SLC2A5: variants seen among roughly 807,000 people sequenced by gnomAD.
SLC2A5 encodes the protein solute carrier family 2 member 5.
In SLC2A5, 56 loss-of-function variants were observed where a neutral mutation model predicts 50.3. The ratio of observed to expected loss-of-function variants is 1.11; its 90% CI spans 0.90 to 1.39. The LOEUF is 1.39. Ranked by LOEUF, SLC2A5 falls within the 40% of genes most tolerant of loss-of-function variation. SLC2A5 has a pLI of 0.00. For synonymous variants in SLC2A5, 269 were observed against 281.9 expected, an observed-to-expected ratio of 0.95 and a Z score of 0.46; for missense variants, 566 against 650.1, an observed-to-expected ratio of 0.87 and a Z score of 1.41.
At chr1:9,085,547 C>T (rs1642393030) in intron 1 of SLC2A5, among the ~76,000 whole-genome samples, 1 of 152,164 alleles carries the variant, frequency 6.6e-6, no homozygotes. Context: ...GAATAAGTTG[C>T]AAAATGTTTT....
chr1:9,081,283 C>CAAA (rs1250033751), intron 2 of SLC2A5, among the ~76,000 whole-genome samples: 1,415 of 123,326 alleles, frequency 0.011, 52 homozygotes, highest in African/African-American at 0.042. Flanking sequence ...AAAAAAACCC[C>CAAA]AAAAAAAAAA....
At chr1:9,046,223 CT>C (rs938215513) in intron 4 of SLC2A5, among the ~76,000 whole-genome samples, 1 of 152,130 alleles carries the variant, frequency 6.6e-6, no homozygotes, top group African/African-American at 2.4e-5. Flanking sequence ...ACCCTGAGAG[CT>C]TCCATCCTAG....
At chr1:9,066,436 T>C (rs1188613480) in intron 1 of SLC2A5, among the ~76,000 whole-genome samples, 1 of 152,088 alleles carries the variant, frequency 6.6e-6, no homozygotes, top group Non-Finnish European at 1.5e-5. Flanking sequence ...AGTTTCGCCA[T>C]GTTGCCCAGG....
chr1:9,068,933 A>G (rs1245016398), intron 1 of SLC2A5, among the ~76,000 whole-genome samples: 1 of 152,216 alleles, frequency 6.6e-6, no homozygotes, highest in African/African-American at 2.4e-5. Context: ...TCCTCAATCA[A>G]GGGAATCTAG....
intron 1 of SLC2A5, among the ~76,000 whole-genome samples, chr1:9,066,248 A>C (rs1212288148): frequency 6.6e-6 from 1 of 150,664 alleles, no homozygotes; most frequent in Non-Finnish European, 1.5e-5. Flanking sequence ...TTTTTTTTTG[A>C]GACAGAATCT....
At chr1:9,068,582 G>C (rs1642143395) in intron 1 of SLC2A5, among the ~76,000 whole-genome samples, 1 of 151,728 alleles carries the variant, frequency 6.6e-6, no homozygotes, top group Non-Finnish European at 1.5e-5. Flanking sequence ...CTCCTGAGTA[G>C]CTGGGATTAC....
chr1:9,043,723 C>CTT (rs201866196), intron 4 of SLC2A5, among the ~76,000 whole-genome samples: 12 of 142,112 alleles, frequency 8.4e-5, no homozygotes, highest in African/African-American at 2.3e-4. Context: ...AGCAAAGTGG[C>CTT]TTTTTTTTTT....
chr1:9,082,939 C>G, intron 2 of SLC2A5: 1 of 200,608 alleles, frequency 5.0e-6, no homozygotes, highest in South Asian at 5.8e-5. Flanking sequence ...GGGGAATGAG[C>G]AGTGACAGCT....
At chr1:9,080,543 G>C (rs1642339899) in intron 2 of SLC2A5, among the ~76,000 whole-genome samples, 1 of 152,140 alleles carries the variant, frequency 6.6e-6, no homozygotes, top group Non-Finnish European at 1.5e-5. Flanking sequence ...GGTGTGAGGT[G>C]AGCTCTCATT....
chr1:9,038,438 G>C lies in SLC2A5; in HGVS notation c.1167C>G (p.Leu389=). The C allele has an allele frequency of 1.2e-6, 2 of 1,612,468 alleles. No individual in the cohort carries two copies. Among genetic ancestry groups the C allele is most frequent in the Non-Finnish European group, 1.7e-6 (2 of 1,178,718 alleles). Residue 389 remains leucine (L), a synonymous_variant, in exon 10 of 12, where the codon CTC becomes CTG. Coordinates refer to ENST00000377424, the MANE Select transcript of SLC2A5 (RefSeq NM_003039.3). ...CCAGCTTTGGGTACGTACTGGGCCC[G>C]AGGGCATGTCCTATGACGTAGGAGA... The part of the protein sequence containing the change: ...CVISYVIGHA[L]GPSPIPALLI...
chr1:9,043,784 C>A lies in SLC2A5; in HGVS notation c.419-1847G>T, dbSNP rs549032763. On this transcript the variant is annotated intron_variant, in intron 4 of 11. Coordinates refer to ENST00000377424, the MANE Select transcript of SLC2A5 (RefSeq NM_003039.3). ...TCGCCCAGGCTGGAGTGCAGTGGTG[C>A]GATCTCAGCTCACTGCAACCTCTGC... is the stretch of plus-strand genomic sequence containing the variant. 4.7e-5 allele frequency among the ~76,000 whole-genome samples: 7 copies of A among 150,516 alleles called. No homozygotes were observed. The East Asian group carries it at 6.0e-4, about 13-fold the overall frequency.
At chr1:9,093,257 C>A (rs1642479383), upstream of SLC2A5, among the ~76,000 whole-genome samples, 1 of 152,154 alleles carries the variant, frequency 6.6e-6, no homozygotes, top group South Asian at 2.1e-4. Flanking sequence ...ATCGTTACTA[C>A]ACCCACAGCA....
At chr1:9,051,681 T>C (rs969736287) in intron 3 of SLC2A5, among the ~76,000 whole-genome samples, 4 of 152,302 alleles carry the variant, frequency 2.6e-5, no homozygotes, top group Non-Finnish European at 4.4e-5. Flanking sequence ...CTGGTGGGAA[T>C]GCAAAATGAT....
chr1:9,047,495 T>C, intron 4 of SLC2A5, 115 bp downstream of exon 4: 7 of 1,069,306 alleles, frequency 6.5e-6, no homozygotes, highest in East Asian at 2.6e-5. Context: ...AGCAGAGGTA[T>C]AGGAACGCTT....
Position 9,065,080 on chromosome 1 carries a change from C to T in SLC2A5, c.33+4424G>A, listed in dbSNP as rs1053922328. On this transcript the variant is annotated intron_variant, in intron 1 of 11. Coordinates refer to ENST00000377424, the MANE Select transcript of SLC2A5 (RefSeq NM_003039.3). ...AAAAAAAAAAAAAAAAATGTATAGC[C>T]TATCACTAAATCAATGTCATTTCTC... Among the ~76,000 whole-genome samples, 3 of 151,376 alleles carry T rather than the reference C, an allele frequency of 2.0e-5. No individual in the cohort carries two copies. The South Asian group carries it at 6.3e-4, about 32-fold the overall frequency.
In SLC2A5 at chr1:9,047,591, AC is replaced by A. The variant is rs1641467026; in HGVS notation, c.418+18del. ...TTGACGACCCTCACAGAATGGCAAT[AC>A]AGCATAGCATTGTTTACCTGCACAT... On this transcript the variant is annotated intron_variant, in intron 4 of 11. Transcript: ENST00000377424. 2 of 1,611,214 alleles carry A rather than the reference AC, an allele frequency of 1.2e-6. No homozygotes were observed. Among genetic ancestry groups the A allele is most frequent in the African/African-American group, 2.7e-5 (2 of 74,812 alleles).
At chr1:9,093,088 C>T (rs555702774), upstream of SLC2A5, among the ~76,000 whole-genome samples, 6 of 152,234 alleles carry the variant, frequency 3.9e-5, no homozygotes, top group East Asian at 1.9e-4. Flanking sequence ...GCATACCATC[C>T]GCCATTTCAT....
intron 3 of SLC2A5, among the ~76,000 whole-genome samples, chr1:9,051,975 A>G (rs1270772734): frequency 6.6e-6 from 1 of 152,230 alleles, no homozygotes; most frequent in Non-Finnish European, 1.5e-5. Flanking sequence ...AGAAGCCTTC[A>G]GTACATATTA....
rs751865038 is a variant in SLC2A5, at chr1:9,058,162, G to A, written c.122C>T (p.Ser41Phe). The A allele has an allele frequency of 6.2e-7, 1 of 1,612,782 alleles. No individual in the cohort carries two copies. The highest frequency in any genetic ancestry group is 8.5e-7 in the Non-Finnish European group (1 of 1,178,774). Residue 41 changes from serine (S) to phenylalanine (F), a missense_variant, in exon 2 of 12, where the codon TCC becomes TTC. Ser to Phe is a radical substitution (Grantham distance 155). Transcript: ENST00000377424. ...QYGYNVAAVN[S>F]PALLMQQFYN... ...ACCACAGTGACCTACCAGTGCTGGG[G>A]AGTTGACAGCAGCCACGTTGTACCC...
Sources: allele counts gnomAD v4.1 joint callset (sites outside exome capture counted in the v4.1 genomes callset), GRCh38; gene constraint gnomAD v4.1.1; transcripts MANE v1.5; gene names NCBI Gene and HGNC (gene_info 2026-07-23, HGNC 2026-07-21).